The following SMAD1 variants were observed in gnomAD, a reference collection of about 807,000 sequenced individuals.
The protein encoded by SMAD1 is SMAD family member 1.
Under a neutral mutation model 41.6 loss-of-function variants are expected in SMAD1, and 6 were observed. The ratio of observed to expected loss-of-function variants is 0.14; its 90% CI spans 0.08 to 0.28. The LOEUF (loss-of-function observed/expected upper bound fraction) is 0.28. Ranked by LOEUF, SMAD1 falls within the 10% of genes least tolerant of loss-of-function variation. The probability of loss-of-function intolerance (pLI) is 1.00; values close to 1 mark genes in which losing one functional copy is unlikely to be tolerated. For synonymous variants in SMAD1, 206 were observed against 203.2 expected, an observed-to-expected ratio of 1.01 and a Z score of -0.12; for missense variants, 379 against 582.6, an observed-to-expected ratio of 0.65 and a Z score of 3.60.
intron 5 of SMAD1, among the ~76,000 whole-genome samples, chr4:145,553,237 AT>A (rs1560766626): frequency 6.6e-6 from 1 of 151,882 alleles, no homozygotes; most frequent in Non-Finnish European, 1.5e-5. Context: ...ACATTTTGTT[AT>A]GTTATTTTCT....
At chr4:145,511,483 G>C (rs1222931344) in intron 1 of SMAD1, among the ~76,000 whole-genome samples, 2 of 152,112 alleles carry the variant, frequency 1.3e-5, no homozygotes, top group Non-Finnish European at 2.9e-5. Context: ...TGCTGCCCAG[G>C]CTACTCTGGA....
intron 1 of SMAD1, among the ~76,000 whole-genome samples, chr4:145,492,622 C>A (rs1728831472): frequency 6.6e-6 from 1 of 152,140 alleles, no homozygotes; most frequent in South Asian, 2.1e-4. Flanking sequence ...ATTGATTATA[C>A]CATTGGCCAC....
intron 6 of SMAD1, among the ~76,000 whole-genome samples, chr4:145,556,906 G>A (rs1345184511): frequency 2.0e-5 from 3 of 152,082 alleles, no homozygotes; most frequent in Admixed American, 2.0e-4. Context: ...TCGAACTCCC[G>A]ACCTCAGGTG....
rs779834059 is a variant in SMAD1, at chr4:145,542,628, C to T, written c.705C>T (p.Thr235=). 6.2e-7 allele frequency: 1 copy of T among 1,613,614 alleles called. No homozygotes were observed. Among genetic ancestry groups the T allele is most frequent in the Non-Finnish European group, 8.5e-7 (1 of 1,179,806 alleles). The change falls in exon 4 of 7, where the codon ACC becomes ACT. Residue 235 remains threonine (T), a synonymous_variant. Transcript: ENST00000302085. The stretch of plus-strand genomic sequence containing the variant: ...ACCTGCCTCCTGAAGACCCCATGAC[C>T]CAGGATGGCTCTCAGCCGATGGACA... ...PAYLPPEDPM[T]QDGSQPMDTN... is the part of the protein sequence containing the mutation.
chr4:145,527,312 C>T (rs1160487530), intron 2 of SMAD1, among the ~76,000 whole-genome samples: 1 of 151,458 alleles, frequency 6.6e-6, no homozygotes, highest in Non-Finnish European at 1.5e-5. Flanking sequence ...CGAGCTCCGC[C>T]TCCCGGGTTC....
intron 2 of SMAD1, among the ~76,000 whole-genome samples, chr4:145,535,990 A>G (rs918705827): frequency 5.9e-4 from 89 of 152,122 alleles, no homozygotes; most frequent in African/African-American, 2.0e-3. Context: ...ATACCAAAAA[A>G]AAAAAAAAAA....
At chr4:145,535,019 G>C (rs1731534594) in intron 2 of SMAD1, among the ~76,000 whole-genome samples, 2 of 151,324 alleles carry the variant, frequency 1.3e-5, no homozygotes, top group Non-Finnish European at 2.9e-5. Context: ...TTTAATGAAG[G>C]ATGAAAATAC....
rs1728215720 is a variant in SMAD1, at chr4:145,482,185, G to T, written c.-177+147G>T. The T allele has an allele frequency of 6.6e-6, 1 of 151,488 alleles. No homozygotes were observed. Among genetic ancestry groups the T allele is most frequent in the Non-Finnish European group, 1.5e-5 (1 of 67,938 alleles). The allele number at this position is 151,488 out of a possible 1,614,324, so 9.4% of individuals were successfully genotyped here. A position where few individuals can be genotyped will look rare whatever the true frequency, so the allele number is the denominator to read the frequency against. On this transcript the variant is annotated intron_variant, in intron 1 of 6. Transcript: ENST00000302085. The surrounding 1 kb of genome is among the most constrained non-coding windows in gnomAD (Gnocchi z 4.2). Reference sequence around the variant, plus strand: ...GTGCTGGGCTGGGGGCGCGGGCAGCGGCGGGAAGGGGGCTCTTTCTGCGCG... The same window carrying T: ...GTGCTGGGCTGGGGGCGCGGGCAGCTGCGGGAAGGGGGCTCTTTCTGCGCG...
chr4:145,538,857 G>A (rs1230853107), intron 2 of SMAD1, among the ~76,000 whole-genome samples: 2 of 152,160 alleles, frequency 1.3e-5, no homozygotes, highest in South Asian at 2.1e-4. Flanking sequence ...CTAACCCTAG[G>A]ATCTGGCTAG....
At chr4:145,557,079 T>C (rs900773054) in intron 6 of SMAD1, among the ~76,000 whole-genome samples, 1 of 152,246 alleles carries the variant, frequency 6.6e-6, no homozygotes, top group African/African-American at 2.4e-5. Flanking sequence ...AAAGGATTAA[T>C]CAGAACTTCA....
Position 145,553,871 on chromosome 4 carries a change from A to G in SMAD1, c.1085A>G (p.Tyr362Cys), listed in dbSNP as rs200152891. 259 of 1,614,028 alleles carry G rather than the reference A, an allele frequency of 1.6e-4. 1 individual carries two copies. The highest frequency in any genetic ancestry group is 2.0e-4 in the Non-Finnish European group (240 of 1,180,022). Residue 362 changes from tyrosine to cysteine, a missense_variant, in exon 6 of 7, where the codon TAC (tyrosine) becomes TGC (cysteine). Tyr to Cys is a radical substitution (Grantham distance 194, BLOSUM62 -2). Around this residue, in one of 3 missense-constraint regions of SMAD1, gnomAD observed 107 missense variants for 218.3 expected, o/e 0.49. Transcript: ENST00000302085. Reference protein sequence around the residue: ...SIFVQSRNCNYHHGFHPTTVC... With the variant: ...SIFVQSRNCNCHHGFHPTTVC... ...TTTGTGCAAAGTCGGAACTGCAACT[A>G]CCATCATGGATTTCATCCTACTACT...
chr4:145,498,628 T>C (rs537778343), intron 1 of SMAD1, among the ~76,000 whole-genome samples: 13 of 152,336 alleles, frequency 8.5e-5, no homozygotes, highest in African/African-American at 2.9e-4. Context: ...GTTTCATTTA[T>C]TTTTTTCTAG....
At chr4:145,518,468 G>C (rs1486913849) in intron 2 of SMAD1, among the ~76,000 whole-genome samples, 1 of 114,878 alleles carries the variant, frequency 8.7e-6, no homozygotes. Context: ...CAGCCTGGGG[G>C]ACAAGAGTGA....
At chr4:145,512,286 G>C (rs1190662448) in intron 1 of SMAD1, among the ~76,000 whole-genome samples, 1 of 152,152 alleles carries the variant, frequency 6.6e-6, no homozygotes, top group Non-Finnish European at 1.5e-5. Flanking sequence ...TTAGATGTCT[G>C]TTGACAGTTT....
At chr4:145,488,697 G>A (rs80035907) in intron 1 of SMAD1, among the ~76,000 whole-genome samples, 2,446 of 152,154 alleles carry the variant, frequency 0.016, 60 homozygotes, top group African/African-American at 0.056. Flanking sequence ...GAAAAGAAAC[G>A]TATCTTTTTA....
chr4:145,535,470 T>C (rs1441073589), intron 2 of SMAD1, among the ~76,000 whole-genome samples: 2 of 152,228 alleles, frequency 1.3e-5, no homozygotes, highest in African/African-American at 4.8e-5. Flanking sequence ...ACCTTTGGTG[T>C]TGTTATCTGT....
At chr4:145,480,867 A>G (rs535917511), upstream of SMAD1, among the ~76,000 whole-genome samples, 2 of 152,084 alleles carry the variant, frequency 1.3e-5, no homozygotes, top group East Asian at 3.9e-4. Context: ...AGGTTAAGGG[A>G]AAAAGGAATT....
At chr4:145,536,261 G>A (rs182437968) in intron 2 of SMAD1, among the ~76,000 whole-genome samples, 130 of 152,186 alleles carry the variant, frequency 8.5e-4, no homozygotes, top group Non-Finnish European at 1.2e-3. Context: ...TAGAATCAAT[G>A]TGGCTCCAGT....
intron 1 of SMAD1, among the ~76,000 whole-genome samples, chr4:145,499,971 G>C (rs527387720): frequency 6.6e-6 from 1 of 152,002 alleles, no homozygotes; most frequent in Admixed American, 6.6e-5. Context: ...CCCATAATAC[G>C]GGTTTTCATA....
Sources: allele counts gnomAD v4.1 joint callset (sites outside exome capture counted in the v4.1 genomes callset), GRCh38; gene constraint gnomAD v4.1.1; regional missense constraint gnomAD v4.1.1; non-coding constraint Gnocchi (gnomAD v3.1); transcripts MANE v1.5; gene names NCBI Gene and HGNC (gene_info 2026-07-23, HGNC 2026-07-21).